The following SNX29 variants were observed in gnomAD, a reference collection of about 807,000 sequenced individuals.
SNX29 encodes sorting nexin 29, also known as sorting nexin-29.
A neutral mutation model predicts 102.1 loss-of-function variants in SNX29; 78 were observed. The ratio of observed to expected loss-of-function variants is 0.76; its 90% confidence interval spans 0.64 to 0.92. The LOEUF (loss-of-function observed/expected upper bound fraction) is 0.92, where lower values mean the gene tolerates loss of function less well. SNX29 is among the 40% of genes least tolerant of loss of function. SNX29 has a pLI of 0.00. For synonymous variants in SNX29, 580 were observed against 414.5 expected (o/e 1.40, Z -4.85); for missense variants, 1,280 against 1,061.7 (o/e 1.21, Z -2.86).
intron 15 of SNX29, among the ~76,000 whole-genome samples, chr16:12,303,161 G>A (rs993757154): frequency 1.3e-5 from 2 of 152,194 alleles, no homozygotes; most frequent in African/African-American, 2.4e-5. Flanking sequence ...AGTCGATAGA[G>A]GTATGGAGTT....
intron 3 of SNX29, among the ~76,000 whole-genome samples, chr16:12,005,661 G>A (rs2056428034): frequency 6.6e-6 from 1 of 152,166 alleles, no homozygotes; most frequent in South Asian, 2.1e-4. Flanking sequence ...TGCTCTGAAT[G>A]TTGGGTTAAT....
At chr16:12,451,708 C>G (rs1251177141) in intron 18 of SNX29, among the ~76,000 whole-genome samples, 1 of 152,048 alleles carries the variant, frequency 6.6e-6, no homozygotes, top group East Asian at 1.9e-4. Context: ...ACTAAAAATA[C>G]AAAAAATTAG....
At chr16:12,561,677 A>C (rs945199996) in intron 20 of SNX29, among the ~76,000 whole-genome samples, 1 of 152,120 alleles carries the variant, frequency 6.6e-6, no homozygotes, top group East Asian at 1.9e-4. Flanking sequence ...GTGCCCTCAC[A>C]CACAGACCCC....
intron 11 of SNX29, among the ~76,000 whole-genome samples, chr16:12,123,180 C>G (rs1272238327): frequency 2.0e-5 from 3 of 152,128 alleles, no homozygotes; most frequent in African/African-American, 7.2e-5. Context: ...TCAGGGCATA[C>G]AACATGATGA....
At chr16:12,373,220 A>ACCTGTGGGCTCAAGCAGTCCTCCCAC (rs2082748429) in intron 16 of SNX29, among the ~76,000 whole-genome samples, 1 of 152,140 alleles carries the variant, frequency 6.6e-6, no homozygotes, top group Non-Finnish European at 1.5e-5. Context: ...GCAGCCTCCG[A>ACCTGTGGGCTCAAGCAGTCCTCCCAC]CTTGTGGGCT....
rs1050237857 is a variant in SNX29, at chr16:11,986,942, A to G, written c.7+10129A>G. Reference sequence around the variant, plus strand: ...AGTTGACTGACCCCTACACTAGGACACTGCAATACAAATCTTCGTGCCCAT... The same window carrying G: ...AGTTGACTGACCCCTACACTAGGACGCTGCAATACAAATCTTCGTGCCCAT... On this transcript the variant is annotated intron_variant, in intron 1 of 20. Transcript: ENST00000566228. Among the ~76,000 whole-genome samples, 4 of 152,232 alleles carry G rather than the reference A, an allele frequency of 2.6e-5. No individual in the cohort carries two copies. The East Asian group carries it at 7.7e-4, about 29-fold the overall frequency.
chr16:12,497,090 C>T (rs537099700), intron 19 of SNX29, among the ~76,000 whole-genome samples: 7 of 152,290 alleles, frequency 4.6e-5, no homozygotes, highest in African/African-American at 1.7e-4. Flanking sequence ...CAGTCGGGAC[C>T]TGCCCTCCCT....
Position 12,540,202 on chromosome 16 carries a change from T to C in SNX29, c.2318+15361T>C, listed in dbSNP as rs529243705. 2.0e-5 allele frequency among the ~76,000 whole-genome samples: 3 copies of C among 152,246 alleles called. No individual in the cohort carries two copies. The South Asian group carries it at 6.2e-4, about 32-fold the overall frequency. ...TGGACTTTTGTGTCAGGTCCAAGGA[T>C]TGGGTCAAGGTTAACCTACTTCCTG... On this transcript the variant is annotated intron_variant, in intron 20 of 20. Coordinates refer to ENST00000566228, the MANE Select transcript of SNX29 (RefSeq NM_032167.5).
intron 7 of SNX29, among the ~76,000 whole-genome samples, chr16:12,051,633 G>A (rs1467919191): frequency 1.3e-5 from 2 of 152,216 alleles, no homozygotes; most frequent in East Asian, 1.9e-4. Flanking sequence ...GCTCTGTGGT[G>A]TGTTTATTTA....
intron 14 of SNX29, among the ~76,000 whole-genome samples, chr16:12,226,608 C>T (rs1373925617): frequency 1.4e-5 from 2 of 146,442 alleles, no homozygotes; most frequent in African/African-American, 5.1e-5. Context: ...GAGTCTTGCT[C>T]TGTCACCCAG....
intron 18 of SNX29, among the ~76,000 whole-genome samples, chr16:12,450,334 T>C (rs976657226): frequency 2.0e-5 from 3 of 152,226 alleles, no homozygotes; most frequent in Non-Finnish European, 2.9e-5. Flanking sequence ...GGGGCTGTTC[T>C]AGCTTTTGTT....
chr16:12,556,093 T>C (rs1400183463), intron 20 of SNX29, among the ~76,000 whole-genome samples: 1 of 152,240 alleles, frequency 6.6e-6, no homozygotes, highest in Non-Finnish European at 1.5e-5. Flanking sequence ...AATTTCTGCT[T>C]TCATTGAGAA....
At chr16:12,167,747 G>C (rs934047447) in intron 13 of SNX29, among the ~76,000 whole-genome samples, 2 of 152,240 alleles carry the variant, frequency 1.3e-5, no homozygotes, top group African/African-American at 4.8e-5. Flanking sequence ...ACAAGCCGGG[G>C]AGTGAATGAG....
At chr16:12,563,570 T>C (rs965530840) in intron 20 of SNX29, among the ~76,000 whole-genome samples, 6 of 151,718 alleles carry the variant, frequency 4.0e-5, no homozygotes, top group Admixed American at 2.6e-4. Context: ...CCCCACCCCT[T>C]TGGGTGGTGG....
chr16:12,541,529 T>G (rs1200052182), intron 20 of SNX29, among the ~76,000 whole-genome samples: 2 of 152,084 alleles, frequency 1.3e-5, no homozygotes, highest in Non-Finnish European at 2.9e-5. Context: ...CATTTCAGCA[T>G]GTAGTTGTTC....
chr16:12,558,711 A>T (rs1312151057), intron 20 of SNX29, among the ~76,000 whole-genome samples: 2 of 152,204 alleles, frequency 1.3e-5, no homozygotes, highest in East Asian at 3.9e-4. Flanking sequence ...TCCCGTTTCT[A>T]CGGGGGGCTG....
At chr16:12,140,402 C>G (rs1292477830) in intron 13 of SNX29, among the ~76,000 whole-genome samples, 1 of 152,218 alleles carries the variant, frequency 6.6e-6, no homozygotes. Context: ...CTGCCCAAGC[C>G]TGGGTCCCAT....
chr16:12,540,963 G>T (rs1394132428), intron 20 of SNX29, among the ~76,000 whole-genome samples: 1 of 152,232 alleles, frequency 6.6e-6, no homozygotes, highest in Non-Finnish European at 1.5e-5. Flanking sequence ...TGTAGTTCAG[G>T]CTGGAGGATG....
Position 12,524,783 on chromosome 16 carries a change from C to A in SNX29, c.2260C>A (p.Pro754Thr), listed in dbSNP as rs759320201. The change falls in exon 20 of 21, where the codon CCC (proline) becomes ACC (threonine). Residue 754 changes from proline (P) to threonine (T), a missense_variant. Transcript: ENST00000566228. ...CATGAACAAAGTCATCCAGATGGTC[C>A]CCGAGTTCGCTGCCAGCCCCAAGAA... ...SVMNKVIQMV[P>T]EFAASPKKET... is the part of the protein sequence containing the mutation. The A allele has an allele frequency of 1.1e-5, 17 of 1,613,594 alleles. No individual in the cohort carries two copies. Among genetic ancestry groups the A allele is most frequent in the East Asian group, 4.5e-5 (2 of 44,880 alleles).
Sources: gnomAD v4.1 joint callset for allele counts (sites outside exome capture counted in the v4.1 genomes callset) on GRCh38, gnomAD v4.1.1 for gene constraint, MANE v1.5 for transcripts, NCBI Gene and HGNC (gene_info 2026-07-23, HGNC 2026-07-21) for gene names.